The following HOXD3 variants were observed in gnomAD, a reference collection of about 807,000 sequenced individuals.
HOXD3 encodes the protein homeobox D3.
HOXD3 carries 13 observed loss-of-function variants against 32.8 expected under a neutral mutation model. That is an observed-to-expected ratio of 0.40 (90% CI 0.26 to 0.63). HOXD3 has a LOEUF of 0.63. HOXD3 is among the 20% of genes least tolerant of loss of function. HOXD3 has a pLI of 0.44. For missense variants in HOXD3, 504 were observed against 577.1 expected, an observed-to-expected ratio of 0.87 and a Z score of 1.30; for synonymous variants, 241 against 246.8, an observed-to-expected ratio of 0.98 and a Z score of 0.22.
chr2:176,159,880 A>G (rs998908897), intron 1 of HOXD3, among the ~76,000 whole-genome samples: 6 of 152,156 alleles, frequency 3.9e-5, no homozygotes, highest in Admixed American at 2.6e-4. Flanking sequence ...CTGGAGTCGC[A>G]CAGATCACGG....
Position 176,169,183 on chromosome 2 carries a change from T to C in HOXD3, c.69T>C (p.Tyr23=), listed in dbSNP as rs1691092097. ...PECTMQKAAY[Y]ENPGLFGGYG... ...GCACAATGCAGAAGGCTGCTTACTA[T>C]GAAAACCCAGGACTGTTTGGAGGCT... The change falls in exon 3 of 4, where the codon TAT becomes TAC. Residue 23 remains tyrosine, a synonymous_variant. Coordinates refer to ENST00000683222, the MANE Select transcript of HOXD3 (RefSeq NM_006898.5). 1 of 1,613,994 alleles carries C rather than the reference T, an allele frequency of 6.2e-7. No individual in the cohort carries two copies.
At position 176,168,620 on chromosome 2, in the gene HOXD3, G is replaced by T. The variant is rs142218531; in HGVS notation, c.-84-411G>T. ...ATGTAGCCAGGCATGGTGGGCACCTGTAGCTACTGCAGAGTAGCTGGGACT... is the reference window on the plus strand; with the variant it reads ...ATGTAGCCAGGCATGGTGGGCACCTTTAGCTACTGCAGAGTAGCTGGGACT... On this transcript the variant is annotated intron_variant, in intron 2 of 3. Coordinates refer to ENST00000683222, the MANE Select transcript of HOXD3 (RefSeq NM_006898.5). Among the ~76,000 whole-genome samples the T allele has an allele frequency of 3.1e-3, 459 of 149,968 alleles. 5 individuals carry two copies. Among genetic ancestry groups the T allele is most frequent in the South Asian group, 4.6e-3 (22 of 4,812 alleles).
Position 176,172,061 on chromosome 2 carries a change from C to A in HOXD3, c.1086C>A (p.Phe362Leu), listed in dbSNP as rs768410318. 21 of 1,609,648 alleles carry A rather than the reference C, an allele frequency of 1.3e-5. No homozygotes were observed. The Admixed American group carries it at 3.3e-4, about 26-fold the overall frequency. Residue 362 changes from phenylalanine (F) to leucine (L), a missense_variant, in exon 4 of 4, where the codon TTC (phenylalanine) becomes TTA (leucine). By Grantham distance (22) the Phe-to-Leu change is conservative (BLOSUM62 0). Coordinates refer to ENST00000683222, the MANE Select transcript of HOXD3 (RefSeq NM_006898.5). ...QGSPVYVGGN[F>L]VESMAPASGP... is the part of the protein sequence containing the mutation. ...GCCCGGTGTACGTGGGCGGCAACTT[C>A]GTCGAGTCCATGGCGCCCGCGTCCG...
upstream of HOXD3, among the ~76,000 whole-genome samples, chr2:176,156,202 A>G (rs1035145525): frequency 2.0e-5 from 3 of 152,194 alleles, no homozygotes; most frequent in African/African-American, 7.2e-5. Flanking sequence ...GGGGGTGCCT[A>G]AAGTGTGAAG....
In HOXD3 at chr2:176,169,401, G is replaced by A; in HGVS notation, c.287G>A (p.Gly96Glu). Residue 96 changes from glycine (G) to glutamate (E), a missense_variant, in exon 3 of 4, where the codon GGG (glycine) becomes GAG (glutamate). This residue lies in a region of HOXD3 where 181 missense variants were observed against 172.2 expected (regional missense o/e 1.05). Coordinates refer to ENST00000683222, the MANE Select transcript of HOXD3 (RefSeq NM_006898.5). ...LNGSCMRPGT[G>E]NSQGGGGGSQ... ...GGCAGCTGCATGCGGCCGGGCACTG[G>A]GAACAGCCAGGGTGGGGGTGGTGGC... 1 of 1,613,858 alleles carries A rather than the reference G, an allele frequency of 6.2e-7. No individual in the cohort carries two copies. Among genetic ancestry groups the A allele is most frequent in the South Asian group, 1.1e-5 (1 of 91,062 alleles).
In HOXD3 at chr2:176,171,988, C is replaced by T; in HGVS notation, c.1013C>T (p.Pro338Leu). The T allele has an allele frequency of 6.2e-7, 1 of 1,610,484 alleles. No individual in the cohort carries two copies. Among genetic ancestry groups the T allele is most frequent in the East Asian group, 2.2e-5 (1 of 44,876 alleles). ...GCAGCGCCGGAGTTCGAGCCCCATC[C>T]CATGGCGAGCAACGGCGGCGGCTTC... ...RYAAPEFEPH[P>L]MASNGGGFAS... Residue 338 changes from proline to leucine, a missense_variant, in exon 4 of 4, where the codon CCC becomes CTC. Pro to Leu is a moderately conservative substitution (Grantham distance 98, BLOSUM62 -3). Transcript: ENST00000683222.
At chr2:176,170,728 A>G (rs1483065728) in intron 3 of HOXD3, among the ~76,000 whole-genome samples, 1 of 152,056 alleles carries the variant, frequency 6.6e-6, no homozygotes, top group Non-Finnish European at 1.5e-5. Flanking sequence ...CTGCAGGCTC[A>G]GGCCCTCCCT....
At chr2:176,162,770 G>C (rs1365840264) in intron 1 of HOXD3, among the ~76,000 whole-genome samples, 1 of 152,198 alleles carries the variant, frequency 6.6e-6, no homozygotes, top group Non-Finnish European at 1.5e-5. Flanking sequence ...GAAAAATCTA[G>C]CTAGAGGCAT....
In HOXD3 at chr2:176,172,061, C is replaced by T; in HGVS notation, c.1086C>T (p.Phe362=). ...QGSPVYVGGN[F]VESMAPASGP... ...GCCCGGTGTACGTGGGCGGCAACTTCGTCGAGTCCATGGCGCCCGCGTCCG... is the reference window on the plus strand; with the variant it reads ...GCCCGGTGTACGTGGGCGGCAACTTTGTCGAGTCCATGGCGCCCGCGTCCG... Residue 362 remains phenylalanine, a synonymous_variant, in exon 4 of 4, where the codon TTC becomes TTT. Coordinates refer to ENST00000683222, the MANE Select transcript of HOXD3 (RefSeq NM_006898.5). 6.2e-7 allele frequency: 1 copy of T among 1,609,768 alleles called. No homozygotes were observed. The highest frequency in any genetic ancestry group is 8.5e-7 in the Non-Finnish European group (1 of 1,179,190).
intron 2 of HOXD3, 101 bp from the exon 3 acceptor site, chr2:176,168,930 C>G (rs539947039): frequency 6.1e-6 from 5 of 815,492 alleles, no homozygotes; most frequent in Non-Finnish European, 9.0e-6. Context: ...ATCTCCCCGC[C>G]GTGAAGTGGG....
At chr2:176,168,502 G>T (rs190282675) in intron 2 of HOXD3, among the ~76,000 whole-genome samples, 1 of 151,950 alleles carries the variant, frequency 6.6e-6, no homozygotes, top group South Asian at 2.1e-4. Context: ...CAGAGGCGTA[G>T]GTTGCAGTAA....
At chr2:176,153,998 T>C (rs4972504), upstream of HOXD3, among the ~76,000 whole-genome samples, 117,006 of 151,512 alleles carry the variant, frequency 0.77, 45,946 homozygotes, top group African/African-American at 0.91. Context: ...GTGTATGGCC[T>C]GTGTAGGGGA....
At chr2:176,157,544 T>C (rs1163857413) in intron 1 of HOXD3, among the ~76,000 whole-genome samples, 92 bp downstream of exon 1, 1 of 152,032 alleles carries the variant, frequency 6.6e-6, no homozygotes, top group Non-Finnish European at 1.5e-5. Flanking sequence ...CTTTGCTTCC[T>C]GATTTGGAAC....
Position 176,169,044 on chromosome 2 carries a change from T to C in HOXD3, c.-71T>C. 2 of 1,521,750 alleles carry C rather than the reference T, an allele frequency of 1.3e-6. No individual in the cohort carries two copies. The highest frequency in any genetic ancestry group is 1.8e-6 in the Non-Finnish European group (2 of 1,136,040). 94.3% of individuals were successfully genotyped at this position (1,521,750 alleles called of 1,614,324 possible). A position where few individuals can be genotyped will look rare whatever the true frequency, so the allele number is the denominator to read the frequency against. On this transcript the variant is annotated 5_prime_UTR_variant, in exon 3 of 4. Transcript: ENST00000683222. The stretch of plus-strand genomic sequence containing the variant: ...TTCTTCTGACAGGTCACCTGGAGCC[T>C]GGGGGCCGGCCCAGCTCTCTCAGGA...
At chr2:176,163,766 G>A (rs1690881768) in intron 1 of HOXD3, among the ~76,000 whole-genome samples, 1 of 152,066 alleles carries the variant, frequency 6.6e-6, no homozygotes, top group Admixed American at 6.5e-5. Context: ...ATTTGGTAGG[G>A]GCAGGAGGAG....
At chr2:176,153,138 G>T (rs1194408797), upstream of HOXD3, 24 of 516,840 alleles carry the variant, frequency 4.6e-5, no homozygotes, top group South Asian at 4.4e-4. Context: ...GGATGGGAGG[G>T]GGGGCGGGAT....
upstream of HOXD3, among the ~76,000 whole-genome samples, chr2:176,154,444 G>C (rs917705990): frequency 6.6e-6 from 1 of 152,194 alleles, no homozygotes; most frequent in African/African-American, 2.4e-5. Context: ...TCCAAAAAAG[G>C]TTGTAGCTAT....
chr2:176,165,055 T>C (rs1051998246), intron 2 of HOXD3: 1 of 152,296 alleles, frequency 6.6e-6, no homozygotes, highest in African/African-American at 2.4e-5. Flanking sequence ...ATAATCCTGC[T>C]GCTCGCAGGG....
upstream of HOXD3, among the ~76,000 whole-genome samples, chr2:176,153,699 A>G (rs1690590622): frequency 6.6e-6 from 1 of 152,170 alleles, no homozygotes; most frequent in South Asian, 2.1e-4. Context: ...CTCTCTGGAA[A>G]TGTATATAGG....
Sources: gnomAD v4.1 joint callset for allele counts (sites outside exome capture counted in the v4.1 genomes callset) on GRCh38, gnomAD v4.1.1 for gene constraint, gnomAD v4.1.1 regional missense constraint, MANE v1.5 for transcripts, NCBI Gene and HGNC (gene_info 2026-07-23, HGNC 2026-07-21) for gene names.